ARMH1: variants seen among roughly 807,000 people sequenced by gnomAD.
ARMH1 encodes armadillo like helical domain containing 1, also known as armadillo-like helical domain containing protein 1.
A neutral mutation model predicts 50.2 loss-of-function variants in ARMH1; 34 were observed. That is an observed-to-expected ratio of 0.68 (90% CI 0.51 to 0.90). The LOEUF (loss-of-function observed/expected upper bound fraction) is 0.90, where lower values mean the gene tolerates loss of function less well. ARMH1 is among the 40% of genes least tolerant of loss of function. The probability of loss-of-function intolerance (pLI) is 0.00; values close to 1 mark genes in which losing one functional copy is unlikely to be tolerated. For missense variants in ARMH1, 538 were observed against 553.9 expected, an observed-to-expected ratio of 0.97 and a Z score of 0.29; for synonymous variants, 221 against 224.2, an observed-to-expected ratio of 0.99 and a Z score of 0.13.
At chr1:44,702,724 A>AG (rs1200811953) in intron 5 of ARMH1, among the ~76,000 whole-genome samples, 127 of 151,548 alleles carry the variant, frequency 8.4e-4, no homozygotes, top group African/African-American at 2.4e-3. Context: ...AAAAAAAAAA[A>AG]AAAAGAAAAG....
Position 44,725,526 on chromosome 1 carries a change from C to A in ARMH1, c.*123C>A. 1 of 940,266 alleles carries A rather than the reference C, an allele frequency of 1.1e-6. No homozygotes were observed. Among genetic ancestry groups the A allele is most frequent in the Non-Finnish European group, 1.6e-6 (1 of 609,416 alleles). The allele number at this position is 940,266 out of a possible 1,614,324, so 58.2% of individuals were successfully genotyped here. A position where few individuals can be genotyped will look rare whatever the true frequency, so the allele number is the denominator to read the frequency against. ...CTCCAGGGGGGAGACGGGGATTAGGCATCCCAGAGGGGCAGAGGAAGAGCC... is the reference window on the plus strand; with the variant it reads ...CTCCAGGGGGGAGACGGGGATTAGGAATCCCAGAGGGGCAGAGGAAGAGCC... On this transcript the variant is annotated 3_prime_UTR_variant, in exon 12 of 12. Transcript: ENST00000535358.
intron 6 of ARMH1, among the ~76,000 whole-genome samples, chr1:44,712,032 C>T (rs190196976): frequency 1.2e-3 from 188 of 152,334 alleles, no homozygotes; most frequent in Admixed American, 2.1e-3. Context: ...CACCACCACA[C>T]TATTCTTTCT....
chr1:44,708,940 A>G (rs183520261), intron 6 of ARMH1, among the ~76,000 whole-genome samples: 143 of 152,240 alleles, frequency 9.4e-4, no homozygotes, highest in African/African-American at 3.2e-3. Flanking sequence ...TGACGTGCAA[A>G]TATGCTCTCT....
chr1:44,711,332 A>G (rs1023712570), intron 6 of ARMH1, among the ~76,000 whole-genome samples: 22 of 152,208 alleles, frequency 1.4e-4, no homozygotes, highest in Non-Finnish European at 2.8e-4. Context: ...TGAGGATTCC[A>G]ATTTCTCCAC....
Position 44,724,894 on chromosome 1 carries a change from T to C in ARMH1, c.1128+55T>C, listed in dbSNP as rs946219146. 1 of 1,526,884 alleles carries C rather than the reference T, an allele frequency of 6.5e-7. No individual in the cohort carries two copies. Among genetic ancestry groups the C allele is most frequent in the Non-Finnish European group, 8.8e-7 (1 of 1,140,272 alleles). 94.6% of individuals were successfully genotyped at this position (1,526,884 alleles called of 1,614,324 possible). ...TGAGCAGATGGCGGCTCGGACAGTGTGATGCCCCTTCAGACAGTCCCCATC... is the reference window on the plus strand; with the variant it reads ...TGAGCAGATGGCGGCTCGGACAGTGCGATGCCCCTTCAGACAGTCCCCATC... On this transcript the variant is annotated intron_variant, in intron 10 of 11. Transcript: ENST00000535358. This position sits in a 1 kb window ranked among gnomAD's most constrained non-coding sequence, Gnocchi z 6.4.
intron 6 of ARMH1, among the ~76,000 whole-genome samples, chr1:44,708,963 TA>T: frequency 6.6e-6 from 1 of 152,298 alleles, no homozygotes; most frequent in South Asian, 2.1e-4. Flanking sequence ...CTTCCATTGT[TA>T]AAAGAGCCCC....
rs1047252060 is a variant in ARMH1 at position 44,705,705 on chromosome 1, A to C, written c.724+1532A>C. On this transcript the variant is annotated intron_variant, in intron 6 of 11. Transcript: ENST00000535358. ...ATTCTAGCCAGATCTGCCTGACTCT[A>C]AAGTTTATGCTTTTAACATATAGCG... is the stretch of plus-strand genomic sequence containing the variant. 2.0e-5 allele frequency among the ~76,000 whole-genome samples: 3 copies of C among 152,240 alleles called. 1 individual carries two copies. The South Asian group carries it at 6.2e-4, about 32-fold the overall frequency.
At chr1:44,721,867 G>C (rs10127584) in intron 6 of ARMH1, 1 of 152,060 alleles carries the variant, frequency 6.6e-6, no homozygotes, top group African/African-American at 2.4e-5. Context: ...AGTAAAAGGC[G>C]AAAGATTTAT....
chr1:44,705,056 C>T (rs576954542), intron 6 of ARMH1, among the ~76,000 whole-genome samples: 10 of 148,190 alleles, frequency 6.7e-5, no homozygotes, highest in East Asian at 6.3e-4. Flanking sequence ...AGGATGGTCT[C>T]GATCTCCTGA....
At chr1:44,714,346 G>A (rs914443593) in intron 6 of ARMH1, among the ~76,000 whole-genome samples, 1 of 151,800 alleles carries the variant, frequency 6.6e-6, no homozygotes, top group Non-Finnish European at 1.5e-5. Flanking sequence ...AGCACTTTGG[G>A]AGGCCGAGGC....
intron 6 of ARMH1, among the ~76,000 whole-genome samples, chr1:44,714,129 G>C (rs1005055487): frequency 1.3e-5 from 2 of 152,132 alleles, no homozygotes; most frequent in South Asian, 4.1e-4. Context: ...AATTAGCCGG[G>C]CGTGGTGGCG....
At chr1:44,700,421 T>G (rs541485309) in intron 4 of ARMH1, among the ~76,000 whole-genome samples, 19 of 151,996 alleles carry the variant, frequency 1.3e-4, no homozygotes, top group Admixed American at 3.3e-4. Flanking sequence ...ATAAAGACCA[T>G]CCTGGCTAAC....
rs1282366432 is a variant in ARMH1 at position 44,682,308 on chromosome 1, CA to C, written c.-22-7365del. On this transcript the variant is annotated intron_variant, in intron 1 of 11. Coordinates refer to ENST00000535358, the MANE Select transcript of ARMH1 (RefSeq NM_001145636.2). This position sits in a 1 kb window ranked among gnomAD's most constrained non-coding sequence, Gnocchi z 4.5. ...TGAGTAAACAGGAAGGCTTACGTGT[CA>C]AAGTCATTGATCGGCACTGCGGCAA... 1.6e-4 allele frequency among the ~76,000 whole-genome samples: 24 copies of C among 152,294 alleles called. No homozygotes were observed. In the East Asian group the frequency reaches 3.5e-3, roughly 22 times the overall value.
chr1:44,689,785 C>G lies in ARMH1; in HGVS notation c.88C>G (p.His30Asp). Residue 30 changes from histidine (H) to aspartate (D), a missense_variant, in exon 2 of 12, where the codon CAC becomes GAC. Physicochemically the swap from His to Asp is moderately conservative, Grantham distance 81. Coordinates refer to ENST00000535358, the MANE Select transcript of ARMH1 (RefSeq NM_001145636.2). ...CAACGCTGGCAAAGTCGCAAGGAGT[C>G]ACATCCTCGACAAGTTCATTGAAAC... ...WDNAGKVARS[H>D]ILDKFIETNQ... The G allele has an allele frequency of 6.4e-7, 1 of 1,551,946 alleles. No individual in the cohort carries two copies. The highest frequency in any genetic ancestry group is 2.0e-5 in the Admixed American group (1 of 50,994).
chr1:44,704,049 A>T, intron 5 of ARMH1, 40 bp from the exon 6 acceptor site: 1 of 1,518,890 alleles, frequency 6.6e-7, no homozygotes, highest in Non-Finnish European at 8.9e-7. Flanking sequence ...TAAAAAAAAA[A>T]AAAAGACTAA....
intron 2 of ARMH1, among the ~76,000 whole-genome samples, chr1:44,696,771 G>C (rs1645841912): frequency 6.6e-6 from 1 of 152,204 alleles, no homozygotes; most frequent in Non-Finnish European, 1.5e-5. Flanking sequence ...AATGGGCATG[G>C]CTTAGAGAGC....
At chr1:44,690,644 A>G (rs1165442277) in intron 2 of ARMH1, among the ~76,000 whole-genome samples, 1 of 152,092 alleles carries the variant, frequency 6.6e-6, no homozygotes, top group Non-Finnish European at 1.5e-5. Flanking sequence ...TATTCCACCC[A>G]ACCCCAATTT....
chr1:44,690,997 C>T (rs769917574), intron 2 of ARMH1, among the ~76,000 whole-genome samples: 54 of 152,160 alleles, frequency 3.5e-4, no homozygotes, highest in African/African-American at 1.1e-3. Flanking sequence ...CGGTGACTCA[C>T]GCCTGTAATC....
At chr1:44,691,017 T>A (rs1446166924) in intron 2 of ARMH1, among the ~76,000 whole-genome samples, 1 of 150,872 alleles carries the variant, frequency 6.6e-6, no homozygotes, top group African/African-American at 2.4e-5. Context: ...CCCAACACTT[T>A]GGGAGGCCGA....
Sources: allele counts gnomAD v4.1 joint callset (sites outside exome capture counted in the v4.1 genomes callset), GRCh38; gene constraint gnomAD v4.1.1; non-coding constraint Gnocchi (gnomAD v3.1); transcripts MANE v1.5; gene names NCBI Gene and HGNC (gene_info 2026-07-23, HGNC 2026-07-21).